The following ZNF689 variants were observed in gnomAD, a reference collection of about 807,000 sequenced individuals.
ZNF689 encodes short ORF-encoded histone-binding protein.
ZNF689 carries 14 observed loss-of-function variants against 37.2 expected under a neutral mutation model. That is an observed-to-expected ratio of 0.38 (90% confidence interval 0.25 to 0.59). ZNF689 has a LOEUF of 0.59. Ranked by LOEUF, ZNF689 falls within the 20% of genes least tolerant of loss-of-function variation. The pLI, the probability that ZNF689 is intolerant of heterozygous loss-of-function variation, is 0.68. For missense variants in ZNF689, 573 were observed against 700.2 expected, an observed-to-expected ratio of 0.82 and a Z score of 2.05; for synonymous variants, 277 against 283.3, an observed-to-expected ratio of 0.98 and a Z score of 0.22.
intron 2 of ZNF689, chr16:30,608,212 CTT>C (rs2151245847): frequency 6.6e-6 from 1 of 152,268 alleles, no homozygotes; most frequent in Admixed American, 6.5e-5. Flanking sequence ...TGAGACCACG[CTT>C]TGAGAACCAC....
Position 30,604,774 on chromosome 16 carries a change from G to A in ZNF689, c.993C>T (p.Arg331=), listed in dbSNP as rs762903440. 1 of 1,607,220 alleles carries A rather than the reference G, an allele frequency of 6.2e-7. No individual in the cohort carries two copies. The highest frequency in any genetic ancestry group is 8.5e-7 in the Non-Finnish European group (1 of 1,177,428). ...DCERRFSSSS[R]LVSHRRVHSG... is the part of the protein sequence containing the mutation. ...AGTGCACACGCCGGTGACTGACCAG[G>A]CGAGAGGAGGAGGAGAAGCGCCGCT... is the stretch of plus-strand genomic sequence containing the variant. Residue 331 remains arginine (R), a synonymous_variant, in exon 3 of 3, where the codon CGC becomes CGT. Transcript: ENST00000287461. This position sits in a 1 kb window ranked among gnomAD's most constrained non-coding sequence, Gnocchi z 5.2.
intron 1 of ZNF689, 63 bp from the exon 2 acceptor site, chr16:30,609,701 C>A: frequency 6.2e-7 from 1 of 1,607,460 alleles, no homozygotes. Flanking sequence ...ATCTCCCCGA[C>A]GGCACCTCCT....
At position 30,604,652 on chromosome 16, in the gene ZNF689, G is replaced by C; in HGVS notation, c.1115C>G (p.Pro372Arg). The C allele has an allele frequency of 6.2e-7, 1 of 1,611,764 alleles. No individual in the cohort carries two copies. Among genetic ancestry groups the C allele is most frequent in the South Asian group, 1.1e-5 (1 of 90,906 alleles). The change falls in exon 3 of 3, where the codon CCC becomes CGC. Residue 372 changes from proline to arginine, a missense_variant. Physicochemically the swap from Pro to Arg is moderately radical, Grantham distance 103. Coordinates refer to ENST00000287461, the MANE Select transcript of ZNF689 (RefSeq NM_138447.3). The surrounding 1 kb of genome is among the most constrained non-coding windows in gnomAD (Gnocchi z 5.2). ...QHQLLHTGEK[P>R]YPCPDCGRAF... ...ACGCCCACAGTCTGGGCAGGGGTAG[G>C]GCTTCTCTCCGGTGTGCAAGAGCTG... is the stretch of plus-strand genomic sequence containing the variant.
rs997925293 is a variant in ZNF689, at chr16:30,605,936, A to G, written c.320-489T>C. Among the ~76,000 whole-genome samples, 39 of 150,858 alleles carry G rather than the reference A, an allele frequency of 2.6e-4. No homozygotes were observed. The highest frequency in any genetic ancestry group is 4.2e-4 in the South Asian group (2 of 4,754). On this transcript the variant is annotated intron_variant, in intron 2 of 2. Transcript: ENST00000287461. This position sits in a 1 kb window ranked among gnomAD's most constrained non-coding sequence, Gnocchi z 5.1. ...CACTGCACTCCAACCTGGGCGAGAGAGCGAGATTCCATCTCAAAAAAAAAA... is the reference window on the plus strand; with the variant it reads ...CACTGCACTCCAACCTGGGCGAGAGGGCGAGATTCCATCTCAAAAAAAAAA...
Position 30,604,506 on chromosome 16 carries a change from G to C in ZNF689, c.1261C>G (p.Arg421Gly). Residue 421 changes from arginine (R) to glycine (G), a missense_variant, in exon 3 of 3, where the codon CGC (arginine) becomes GGC (glycine). Arg to Gly is a moderately radical substitution (Grantham distance 125, BLOSUM62 -2). Coordinates refer to ENST00000287461, the MANE Select transcript of ZNF689 (RefSeq NM_138447.3). The surrounding 1 kb of genome is among the most constrained non-coding windows in gnomAD (Gnocchi z 5.2). ...TAGGGCCGCTCGCCCGAGTGCACGC[G>C]CCGGTGGCTGGCCAGCAGTGAGGGG... Reference protein sequence around the residue: ...AYPSLLASHRRVHSGERPYAC... With the variant: ...AYPSLLASHRGVHSGERPYAC... 1.3e-6 allele frequency: 2 copies of C among 1,597,218 alleles called. No individual in the cohort carries two copies. Among genetic ancestry groups the C allele is most frequent in the Non-Finnish European group, 1.7e-6 (2 of 1,172,186 alleles).
rs950416813 is a variant in ZNF689 at position 30,602,874 on chromosome 16, G to T, written c.*1390C>A. On this transcript the variant is annotated 3_prime_UTR_variant, in exon 3 of 3. Transcript: ENST00000287461. ...GGTAGGCCTTGTTCACATTTAACTC[G>T]GTAAAGCTTTATGAAGCACCTACCC... 3 of 152,082 alleles carry T rather than the reference G, an allele frequency of 2.0e-5. No homozygotes were observed. The highest frequency in any genetic ancestry group is 7.2e-5 in the African/African-American group (3 of 41,420). 9.4% of individuals were successfully genotyped at this position (152,082 alleles called of 1,614,324 possible). A position where few individuals can be genotyped will look rare whatever the true frequency, so the allele number is the denominator to read the frequency against.
rs147796088 is a variant in ZNF689, at chr16:30,603,992, G to C, written c.*272C>G. The C allele has an allele frequency of 3.4e-4, 212 of 614,848 alleles. No homozygotes were observed. The African/African-American group carries it at 3.5e-3, about 10-fold the overall frequency. The allele number at this position is 614,848 out of a possible 1,614,324, so 38.1% of individuals were successfully genotyped here. On this transcript the variant is annotated 3_prime_UTR_variant, in exon 3 of 3. Coordinates refer to ENST00000287461, the MANE Select transcript of ZNF689 (RefSeq NM_138447.3). The stretch of plus-strand genomic sequence containing the variant: ...AGAAAAGCAGACAGCCCCTAAAATA[G>C]ATGGGGAGAACTTTTAGCCCTGATA...
chr16:30,610,130 G>C lies in ZNF689; in HGVS notation c.-89C>G, dbSNP rs532974798. 19 of 1,434,090 alleles carry C rather than the reference G, an allele frequency of 1.3e-5. No homozygotes were observed. In the African/African-American group the frequency reaches 2.4e-4, roughly 18 times the overall value. The allele number at this position is 1,434,090 out of a possible 1,614,324, so 88.8% of individuals were successfully genotyped here. A position where few individuals can be genotyped will look rare whatever the true frequency, so the allele number is the denominator to read the frequency against. On this transcript the variant is annotated 5_prime_UTR_variant, in exon 1 of 3. Transcript: ENST00000287461. ...CCCCTGGGATCGAGGAGCCCCTGCC[G>C]GACCAGGGCTGAGCGTGGCCGGGGA...
chr16:30,610,640 G>T, upstream of ZNF689: 1 of 152,780 alleles, frequency 6.5e-6, no homozygotes, highest in East Asian at 1.9e-4. Flanking sequence ...ACTCTGGCAG[G>T]CTCAGCCAAT....
chr16:30,604,778 G>C lies in ZNF689; in HGVS notation c.989C>G (p.Ser330Cys). The change falls in exon 3 of 3, where the codon TCT becomes TGT. Residue 330 changes from serine (S) to cysteine (C), a missense_variant. This residue lies in a region of ZNF689 where 317 missense variants were observed against 367.1 expected (regional missense o/e 0.86). Transcript: ENST00000287461. This position sits in a 1 kb window ranked among gnomAD's most constrained non-coding sequence, Gnocchi z 5.2. ...CACACGCCGGTGACTGACCAGGCGA[G>C]AGGAGGAGGAGAAGCGCCGCTCGCA... ...PDCERRFSSS[S>C]RLVSHRRVHS... 1 of 1,607,286 alleles carries C rather than the reference G, an allele frequency of 6.2e-7. No homozygotes were observed. The highest frequency in any genetic ancestry group is 8.5e-7 in the Non-Finnish European group (1 of 1,177,120).
At chr16:30,608,817 T>G (rs2052060113) in intron 2 of ZNF689, among the ~76,000 whole-genome samples, 2 of 152,306 alleles carry the variant, frequency 1.3e-5, no homozygotes, top group South Asian at 4.1e-4. Flanking sequence ...TGGACAGCTA[T>G]CCCTGGTCTT....
Position 30,605,904 on chromosome 16 carries a change from A to T in ZNF689, c.320-457T>A, listed in dbSNP as rs562961533. ...GAGGCAGAGGTTGCAGTGAGCCGAG[A>T]TTGTGCCACTGCACTCCAACCTGGG... is the stretch of plus-strand genomic sequence containing the variant. On this transcript the variant is annotated intron_variant, in intron 2 of 2. Transcript: ENST00000287461. The surrounding 1 kb of genome is among the most constrained non-coding windows in gnomAD (Gnocchi z 5.1). Among the ~76,000 whole-genome samples the T allele has an allele frequency of 7.9e-4, 119 of 150,654 alleles. No homozygotes were observed. Among genetic ancestry groups the T allele is most frequent in the Admixed American group, 7.8e-3 (118 of 15,090 alleles).
Position 30,604,134 on chromosome 16 carries a change from A to T in ZNF689, c.*130T>A. On this transcript the variant is annotated 3_prime_UTR_variant, in exon 3 of 3. Transcript: ENST00000287461. This position sits in a 1 kb window ranked among gnomAD's most constrained non-coding sequence, Gnocchi z 5.2. ...GGAGGCAGCCAGCGCATTGCAAGATACAAAGTTCAGCTCTGTGCAGCAGGA... is the reference window on the plus strand; with the variant it reads ...GGAGGCAGCCAGCGCATTGCAAGATTCAAAGTTCAGCTCTGTGCAGCAGGA... The T allele has an allele frequency of 9.9e-7, 1 of 1,006,774 alleles. No homozygotes were observed. Among genetic ancestry groups the T allele is most frequent in the Non-Finnish European group, 1.5e-6 (1 of 651,234 alleles). 62.4% of individuals were successfully genotyped at this position (1,006,774 alleles called of 1,614,324 possible). A position where few individuals can be genotyped will look rare whatever the true frequency, so the allele number is the denominator to read the frequency against.
Position 30,604,627 on chromosome 16 carries a change from A to C in ZNF689, c.1140T>G (p.Arg380=), listed in dbSNP as rs1187924382. The C allele has an allele frequency of 6.2e-7, 1 of 1,610,206 alleles. No homozygotes were observed. Among genetic ancestry groups the C allele is most frequent in the Non-Finnish European group, 8.5e-7 (1 of 1,178,550 alleles). ...EKPYPCPDCG[R]AFRRSGSLAI... The stretch of plus-strand genomic sequence containing the variant: ...CCAGGGAGCCGCTCCGCCGGAAGGC[A>C]CGCCCACAGTCTGGGCAGGGGTAGG... The change falls in exon 3 of 3, where the codon CGT becomes CGG. Residue 380 remains arginine (R), a synonymous_variant. Transcript: ENST00000287461. This position sits in a 1 kb window ranked among gnomAD's most constrained non-coding sequence, Gnocchi z 5.2.
Position 30,604,948 on chromosome 16 carries a change from G to C in ZNF689, c.819C>G (p.Pro273=), listed in dbSNP as rs1170037972. The C allele has an allele frequency of 6.3e-7, 1 of 1,577,154 alleles. No homozygotes were observed. The change falls in exon 3 of 3, where the codon CCC becomes CCG. Residue 273 remains proline, a synonymous_variant. Transcript: ENST00000287461. The surrounding 1 kb of genome is among the most constrained non-coding windows in gnomAD (Gnocchi z 5.2). ...CPSCGRRFAY[P]SLLAIHQRTH... ...TACGCTGGTGGATGGCTAGCAGGGA[G>C]GGGTAGGCGAAGCGACGTCCACAGC...
At chr16:30,607,032 C>T (rs1038132299) in intron 2 of ZNF689, among the ~76,000 whole-genome samples, 1 of 151,558 alleles carries the variant, frequency 6.6e-6, no homozygotes, top group Middle Eastern at 3.2e-3. Flanking sequence ...AGGCGGATCA[C>T]CTGAGGTCAG....
Position 30,604,340 on chromosome 16 carries a change from T to C in ZNF689, c.1427A>G (p.Lys476Arg), listed in dbSNP as rs2052011976. ...ACAGTTTGGGGCCTTGGGGCTACAC[T>C]TGTGGACAGCCAGAGACCACCTCTG... ...FRQRWSLAVHKCSPKAPNCSP... is the reference protein window; with the variant it reads ...FRQRWSLAVHRCSPKAPNCSP... The change falls in exon 3 of 3, where the codon AAG becomes AGG. Residue 476 changes from lysine (K) to arginine (R), a missense_variant. Lys to Arg is a conservative substitution (Grantham distance 26). Around this residue, in one of 3 missense-constraint regions of ZNF689, gnomAD observed 317 missense variants for 367.1 expected, o/e 0.86. Transcript: ENST00000287461. This position sits in a 1 kb window ranked among gnomAD's most constrained non-coding sequence, Gnocchi z 5.2. 1.2e-5 allele frequency: 19 copies of C among 1,613,708 alleles called. No homozygotes were observed. The highest frequency in any genetic ancestry group is 1.7e-5 in the Admixed American group (1 of 60,000).
intron 2 of ZNF689, among the ~76,000 whole-genome samples, chr16:30,608,866 A>T (rs1168191681): frequency 6.6e-6 from 1 of 152,228 alleles, no homozygotes; most frequent in Non-Finnish European, 1.5e-5. Flanking sequence ...AGACAGCTCC[A>T]TCTTCTACTA....
chr16:30,604,906 C>T lies in ZNF689; in HGVS notation c.861G>A (p.Lys287=). The T allele has an allele frequency of 6.3e-7, 1 of 1,575,596 alleles. No homozygotes were observed. Among genetic ancestry groups the T allele is most frequent in the South Asian group, 1.2e-5 (1 of 83,512 alleles). The change falls in exon 3 of 3, where the codon AAG becomes AAA. Residue 287 remains lysine, a synonymous_variant. Coordinates refer to ENST00000287461, the MANE Select transcript of ZNF689 (RefSeq NM_138447.3). This position sits in a 1 kb window ranked among gnomAD's most constrained non-coding sequence, Gnocchi z 5.2. ...AIHQRTHTGE[K]PYTCLECNRR... The stretch of plus-strand genomic sequence containing the variant: ...GGTTGCACTCGAGGCAAGTGTAGGG[C>T]TTCTCTCCCGTGTGTGTACGCTGGT...
Sources: gnomAD v4.1 joint callset for allele counts (sites outside exome capture counted in the v4.1 genomes callset) on GRCh38, gnomAD v4.1.1 for gene constraint, gnomAD v4.1.1 regional missense constraint, Gnocchi (gnomAD v3.1) non-coding constraint, MANE v1.5 for transcripts, NCBI Gene and HGNC (gene_info 2026-07-23, HGNC 2026-07-21) for gene names.